The following PTPRD variants were observed in gnomAD, a reference collection of about 807,000 sequenced individuals.
The protein encoded by PTPRD is receptor-type tyrosine-protein phosphatase delta.
A neutral mutation model predicts 214.5 loss-of-function variants in PTPRD; 34 were observed. That is an observed-to-expected ratio of 0.16 (90% confidence interval 0.12 to 0.21). The LOEUF is 0.21. PTPRD is among the 10% of genes least tolerant of loss of function. PTPRD has a pLI of 1.00. For synonymous variants in PTPRD, 1,128 were observed against 845.7 expected (o/e 1.33, Z -5.79); for missense variants, 2,545 against 2,398.7 (o/e 1.06, Z -1.27).
intron 3 of PTPRD, among the ~76,000 whole-genome samples, chr9:10,045,210 T>G (rs2097366807): frequency 6.6e-6 from 1 of 151,780 alleles, no homozygotes; most frequent in African/African-American, 2.4e-5. Context: ...TAGTATCCCT[T>G]TATTAACAGG....
intron 8 of PTPRD, among the ~76,000 whole-genome samples, chr9:9,472,289 C>T (rs187717665): frequency 9.3e-5 from 14 of 150,564 alleles, no homozygotes; most frequent in African/African-American, 2.4e-4. Flanking sequence ...CTGCAAGCTC[C>T]GCTTCCCGGG....
chr9:8,936,448 A>AAAAAAAAAAAAAAAG (rs2098998316), intron 11 of PTPRD, among the ~76,000 whole-genome samples: 1 of 149,390 alleles, frequency 6.7e-6, no homozygotes, highest in Admixed American at 6.7e-5. Context: ...AAAAAAAAAA[A>AAAAAAAAAAAAAAAG]AAGAAGATGA....
chr9:9,569,469 T>C (rs1490894303), intron 8 of PTPRD, among the ~76,000 whole-genome samples: 1 of 151,770 alleles, frequency 6.6e-6, no homozygotes, highest in Non-Finnish European at 1.5e-5. Flanking sequence ...AGCTTTACAA[T>C]AAAATCCCAT....
At chr9:10,064,708 C>G (rs1011116098) in intron 3 of PTPRD, among the ~76,000 whole-genome samples, 6 of 151,888 alleles carry the variant, frequency 4.0e-5, no homozygotes, top group Admixed American at 3.3e-4. Context: ...CCATATGTCA[C>G]CCCCAACCTG....
rs187355600 is a variant in PTPRD, at chr9:8,529,725, C to T, written c.353-946G>A. Among the ~76,000 whole-genome samples the T allele has an allele frequency of 9.5e-4, 144 of 152,150 alleles. 5 individuals carry two copies. The South Asian group carries it at 0.024, about 26-fold the overall frequency. On this transcript the variant is annotated intron_variant, in intron 14 of 45. Coordinates refer to ENST00000381196, the MANE Select transcript of PTPRD (RefSeq NM_002839.4). ...AGAAAGGTGTGTTCTATCTAAGCATCGAAAGAATTTTAGTTAGATGGGTGG... is the reference window on the plus strand; with the variant it reads ...AGAAAGGTGTGTTCTATCTAAGCATTGAAAGAATTTTAGTTAGATGGGTGG...
intron 7 of PTPRD, among the ~76,000 whole-genome samples, chr9:9,589,006 T>C (rs539905171): frequency 6.6e-6 from 1 of 152,104 alleles, no homozygotes; most frequent in East Asian, 1.9e-4. Context: ...TGTTCAATTT[T>C]AATTTTTATG....
intron 4 of PTPRD, among the ~76,000 whole-genome samples, chr9:10,029,527 AAGG>A (rs1336336048): frequency 6.6e-6 from 1 of 152,196 alleles, no homozygotes; most frequent in African/African-American, 2.4e-5. Context: ...CATGGAGTCA[AAGG>A]AGATCATTTT....
chr9:8,979,862 C>T (rs1594766), intron 11 of PTPRD, among the ~76,000 whole-genome samples: 100,835 of 151,912 alleles, frequency 0.66, 34,000 homozygotes, highest in African/African-American at 0.77. Context: ...CTCTTTTGGA[C>T]ATATACCCAA....
At chr9:9,323,822 C>T (rs1213295503) in intron 9 of PTPRD, among the ~76,000 whole-genome samples, 1 of 152,146 alleles carries the variant, frequency 6.6e-6, no homozygotes, top group Non-Finnish European at 1.5e-5. Context: ...GGTATTTCTC[C>T]TAATGCTATC....
chr9:8,555,628 C>T (rs2083489154), intron 14 of PTPRD, among the ~76,000 whole-genome samples: 1 of 152,216 alleles, frequency 6.6e-6, no homozygotes, highest in South Asian at 2.1e-4. Context: ...CTATCATCTT[C>T]CTTTGGACAT....
chr9:9,357,816 T>A (rs1334568078), intron 9 of PTPRD, among the ~76,000 whole-genome samples: 1 of 151,188 alleles, frequency 6.6e-6, no homozygotes, highest in Admixed American at 6.6e-5. Flanking sequence ...AAAGGCATTA[T>A]AAATATATTT....
At chr9:10,101,275 G>C (rs189570032) in intron 3 of PTPRD, among the ~76,000 whole-genome samples, 16 of 151,778 alleles carry the variant, frequency 1.1e-4, no homozygotes, top group Admixed American at 9.2e-4. Context: ...TGAAGGTGTG[G>C]AAATTGATGT....
chr9:8,584,994 A>G (rs1017559504), intron 14 of PTPRD, among the ~76,000 whole-genome samples: 7 of 152,200 alleles, frequency 4.6e-5, no homozygotes, highest in Non-Finnish European at 7.3e-5. Flanking sequence ...AATCTCCTCT[A>G]TGATTCAATT....
intron 7 of PTPRD, among the ~76,000 whole-genome samples, chr9:9,645,419 T>C (rs1049540798): frequency 6.6e-6 from 1 of 150,508 alleles, no homozygotes; most frequent in Non-Finnish European, 1.5e-5. Context: ...ATTTGCTTTG[T>C]TTTTTTCATT....
At chr9:10,038,487 C>T (rs971839141) in intron 3 of PTPRD, among the ~76,000 whole-genome samples, 17 of 152,036 alleles carry the variant, frequency 1.1e-4, no homozygotes, top group Middle Eastern at 3.2e-3. Flanking sequence ...ATTGATTAAG[C>T]ACTTATAATG....
intron 7 of PTPRD, among the ~76,000 whole-genome samples, 198 bp from the exon 8 acceptor site, chr9:9,574,979 G>A (rs988402682): frequency 1.3e-5 from 2 of 152,062 alleles, no homozygotes; most frequent in African/African-American, 4.8e-5. Context: ...TCAAAGTATT[G>A]TGATTTGGGC....
intron 12 of PTPRD, among the ~76,000 whole-genome samples, chr9:8,710,569 T>C (rs890695063): frequency 3.9e-5 from 6 of 152,156 alleles, no homozygotes; most frequent in African/African-American, 1.2e-4. Context: ...TTAGCAGTGA[T>C]TGTGCCACTG....
At chr9:9,039,194 A>C (rs2099631558) in intron 10 of PTPRD, among the ~76,000 whole-genome samples, 1 of 152,186 alleles carries the variant, frequency 6.6e-6, no homozygotes, top group Non-Finnish European at 1.5e-5. Context: ...CAAACCTGGA[A>C]TATAATTGAA....
At chr9:9,358,050 T>A (rs1357112939) in intron 9 of PTPRD, among the ~76,000 whole-genome samples, 5 of 151,232 alleles carry the variant, frequency 3.3e-5, no homozygotes, top group African/African-American at 1.2e-4. Flanking sequence ...TCTATAAGAT[T>A]TTTTTTGTTG....
Sources: gnomAD v4.1 joint callset for allele counts (sites outside exome capture counted in the v4.1 genomes callset) on GRCh38, gnomAD v4.1.1 for gene constraint, MANE v1.5 for transcripts, NCBI Gene and HGNC (gene_info 2026-07-23, HGNC 2026-07-21) for gene names.